CSTF3: variants seen among roughly 807,000 people sequenced by gnomAD.
CSTF3 encodes CF-1 77 kDa subunit.
CSTF3 carries 29 observed loss-of-function variants against 105.8 expected under a neutral mutation model. The observed-to-expected ratio is 0.27, with a 90% confidence interval of 0.20 to 0.37. The LOEUF is 0.37. Ranked by LOEUF, CSTF3 falls within the 10% of genes least tolerant of loss-of-function variation. CSTF3 has a pLI of 1.00. For synonymous variants in CSTF3, 252 were observed against 281.9 expected (o/e 0.89, Z 1.06); for missense variants, 357 against 879.3 (o/e 0.41, Z 7.51).
At chr11:33,116,795 G>GC (rs1855435189) in intron 3 of CSTF3, among the ~76,000 whole-genome samples, 1 of 152,092 alleles carries the variant, frequency 6.6e-6, no homozygotes, top group African/African-American at 2.4e-5. Context: ...GATGAGACAA[G>GC]CAGGTACTAG....
chr11:33,098,667 A>T (rs1392886884), intron 13 of CSTF3, 23 bp downstream of exon 13: 14 of 1,475,594 alleles, frequency 9.5e-6, no homozygotes, highest in Non-Finnish European at 1.3e-5. Context: ...AAGGTGGAAA[A>T]AAAGATTTGT....
chr11:33,137,078 G>A (rs1366802922), intron 3 of CSTF3, among the ~76,000 whole-genome samples: 1 of 151,678 alleles, frequency 6.6e-6, no homozygotes, highest in South Asian at 2.1e-4. Flanking sequence ...TTACACCAAA[G>A]AATAGAATAT....
At chr11:33,129,449 T>G (rs1489973287) in intron 3 of CSTF3, among the ~76,000 whole-genome samples, 3 of 151,268 alleles carry the variant, frequency 2.0e-5, no homozygotes, top group Non-Finnish European at 4.4e-5. Context: ...ATACAGATGG[T>G]GGGGGGGTCT....
chr11:33,111,229 AT>A (rs1251707358), intron 3 of CSTF3, among the ~76,000 whole-genome samples: 3 of 152,244 alleles, frequency 2.0e-5, no homozygotes, highest in African/African-American at 7.2e-5. Context: ...ATCTAAAAAA[AT>A]AAAATAAAAA....
intron 16 of CSTF3, among the ~76,000 whole-genome samples, chr11:33,092,027 T>A (rs1040842928): frequency 6.6e-6 from 1 of 152,188 alleles, no homozygotes; most frequent in Non-Finnish European, 1.5e-5. Context: ...GGATATATAG[T>A]ATACAAGAAA....
chr11:33,155,041 A>ACTCAAAACTTAAACAT (rs1849843261), intron 1 of CSTF3, among the ~76,000 whole-genome samples: 1 of 151,936 alleles, frequency 6.6e-6, no homozygotes, highest in Non-Finnish European at 1.5e-5. Context: ...TAAACATACA[A>ACTCAAAACTTAAACAT]ACAACTCAAA....
chr11:33,085,339 G>A (rs761919365), intron 20 of CSTF3, 50 bp from the exon 21 acceptor site: 3 of 1,435,908 alleles, frequency 2.1e-6, no homozygotes, highest in Non-Finnish European at 2.8e-6. Context: ...CTATGAAAGG[G>A]TATGTATGTT....
chr11:33,132,537 C>G (rs1390366677), intron 3 of CSTF3, among the ~76,000 whole-genome samples: 1 of 152,138 alleles, frequency 6.6e-6, no homozygotes, highest in Non-Finnish European at 1.5e-5. Context: ...AGATAAAACA[C>G]TTTTTTTCAA....
In CSTF3 at chr11:33,141,688, C is replaced by G; in HGVS notation, c.204G>C (p.Trp68Cys). 6.2e-7 allele frequency: 1 copy of G among 1,612,526 alleles called. No individual in the cohort carries two copies. The highest frequency in any genetic ancestry group is 8.5e-7 in the Non-Finnish European group (1 of 1,179,512). The change falls in exon 3 of 21, where the codon TGG (tryptophan) becomes TGC (cysteine). Residue 68 changes from tryptophan to cysteine, a missense_variant. Physicochemically the swap from Trp to Cys is radical, Grantham distance 215. Around this residue, in one of 4 missense-constraint regions of CSTF3, gnomAD observed 78 missense variants for 180.4 expected, o/e 0.43. Coordinates refer to ENST00000323959, the MANE Select transcript of CSTF3 (RefSeq NM_001326.3). Reference protein sequence around the residue: ...VAQFPSSGRFWKLYIEAEIKA... With the variant: ...VAQFPSSGRFCKLYIEAEIKA... Reference sequence around the variant, plus strand: ...TAACCTCTGCTTCAATGTACAGTTTCCAGAATCTGCCAGAACTGGGGAACT... The same window carrying G: ...TAACCTCTGCTTCAATGTACAGTTTGCAGAATCTGCCAGAACTGGGGAACT...
intron 3 of CSTF3, chr11:33,140,876 T>G (rs566945030): frequency 1.3e-5 from 2 of 152,168 alleles, no homozygotes; most frequent in South Asian, 4.1e-4. Flanking sequence ...TAATTTATAT[T>G]AATAACCTGA....
chr11:33,142,118 G>C (rs946432028), intron 1 of CSTF3, 132 bp from the exon 2 acceptor site: 1 of 1,444,160 alleles, frequency 6.9e-7, no homozygotes, highest in Admixed American at 2.4e-5. Context: ...TTATAAAAGA[G>C]AAGTGTGTTT....
chr11:33,150,183 C>T (rs1855840329), intron 1 of CSTF3, among the ~76,000 whole-genome samples: 1 of 146,108 alleles, frequency 6.8e-6, no homozygotes, highest in Non-Finnish European at 1.5e-5. Context: ...CCACTGCAGT[C>T]CAGCCTGGGC....
At chr11:33,152,219 C>T (rs184953087) in intron 1 of CSTF3, among the ~76,000 whole-genome samples, 6 of 152,108 alleles carry the variant, frequency 3.9e-5, no homozygotes, top group Non-Finnish European at 5.9e-5. Context: ...AAGATTGTGC[C>T]GCTGCACTCC....
chr11:33,086,935 T>TA, intron 18 of CSTF3, 53 bp downstream of exon 18: 1 of 1,609,256 alleles, frequency 6.2e-7, no homozygotes, highest in Non-Finnish European at 8.5e-7. Flanking sequence ...GCTTTGGATT[T>TA]AAATCAACAA....
intron 5 of CSTF3, among the ~76,000 whole-genome samples, chr11:33,107,654 G>A (rs1444561262): frequency 6.6e-6 from 1 of 152,148 alleles, no homozygotes; most frequent in Non-Finnish European, 1.5e-5. Context: ...TCAACAAAGT[G>A]GTTTGGTGTT....
chr11:33,129,083 G>A (rs948120534), intron 3 of CSTF3, among the ~76,000 whole-genome samples: 2 of 152,094 alleles, frequency 1.3e-5, no homozygotes, highest in African/African-American at 4.8e-5. Context: ...AAAAAATAAC[G>A]TGGATGGAAG....
chr11:33,152,368 A>G (rs1419508349), intron 1 of CSTF3, among the ~76,000 whole-genome samples: 2 of 152,202 alleles, frequency 1.3e-5, no homozygotes, highest in East Asian at 1.9e-4. Context: ...GGTTCGATCA[A>G]TCCTCCTGCC....
chr11:33,132,515 C>A (rs1324426527), intron 3 of CSTF3, among the ~76,000 whole-genome samples: 1 of 152,204 alleles, frequency 6.6e-6, no homozygotes, highest in Non-Finnish European at 1.5e-5. Flanking sequence ...GCATGAACAA[C>A]TGCGCCCAGC....
At chr11:33,137,117 CTT>C (rs1179758488) in intron 3 of CSTF3, among the ~76,000 whole-genome samples, 1 of 151,726 alleles carries the variant, frequency 6.6e-6, no homozygotes, top group Non-Finnish European at 1.5e-5. Flanking sequence ...ACGTAAGAGT[CTT>C]TGCAGGGTAA....
Sources: gnomAD v4.1 joint callset for allele counts (sites outside exome capture counted in the v4.1 genomes callset) on GRCh38, gnomAD v4.1.1 for gene constraint, gnomAD v4.1.1 regional missense constraint, MANE v1.5 for transcripts, NCBI Gene and HGNC (gene_info 2026-07-23, HGNC 2026-07-21) for gene names.